TOPAZ1: variants seen among roughly 807,000 people sequenced by gnomAD.
TOPAZ1 encodes the protein testis and ovary specific TOPAZ 1, also known as protein TOPAZ1.
TOPAZ1 carries 66 observed loss-of-function variants against 172.2 expected under a neutral mutation model. That is an observed-to-expected ratio of 0.38 (90% confidence interval 0.31 to 0.47). The LOEUF (loss-of-function observed/expected upper bound fraction) is 0.47. TOPAZ1 is among the 20% of genes least tolerant of loss of function. TOPAZ1 has a pLI of 0.99. For missense variants in TOPAZ1, 1,822 were observed against 1,972.4 expected (o/e 0.92, Z 1.44); for synonymous variants, 681 against 683.9 (o/e 1.00, Z 0.07).
intron 4 of TOPAZ1, among the ~76,000 whole-genome samples, chr3:44,261,479 T>C (rs1699774990): frequency 6.6e-6 from 1 of 152,156 alleles, no homozygotes; most frequent in Non-Finnish European, 1.5e-5. Context: ...TGTGCAGCCT[T>C]ATTCCTGGGC....
intron 5 of TOPAZ1, among the ~76,000 whole-genome samples, chr3:44,265,249 G>T (rs116439680): frequency 0.011 from 1,748 of 152,304 alleles, 38 homozygotes; most frequent in African/African-American, 0.04. Context: ...CAGAATAGAT[G>T]TTGTGTTAGC....
chr3:44,291,556 G>A lies in TOPAZ1; in HGVS notation c.3797+670G>A, dbSNP rs753654164. Among the ~76,000 whole-genome samples the A allele has an allele frequency of 5.3e-5, 8 of 151,376 alleles. No individual in the cohort carries two copies. The East Asian group carries it at 9.7e-4, about 18-fold the overall frequency. ...GCAGAGGTTGCAGTGAGCCGAGATC[G>A]CACCACTACCTGGGCGACAGAGCGA... is the stretch of plus-strand genomic sequence containing the variant. On this transcript the variant is annotated intron_variant, in intron 12 of 19. Transcript: ENST00000309765.
At chr3:44,279,747 T>C (rs916078073) in intron 8 of TOPAZ1, among the ~76,000 whole-genome samples, 1 of 152,176 alleles carries the variant, frequency 6.6e-6, no homozygotes, top group Non-Finnish European at 1.5e-5. Context: ...CATTGGATCA[T>C]GTTTGTTTAA....
chr3:44,272,574 T>A (rs1199567321), intron 8 of TOPAZ1, among the ~76,000 whole-genome samples: 1 of 152,214 alleles, frequency 6.6e-6, no homozygotes, highest in African/African-American at 2.4e-5. Context: ...TCTTGCCCTT[T>A]TTTTTGAGGC....
chr3:44,297,683 A>G (rs1485591682), intron 12 of TOPAZ1, among the ~76,000 whole-genome samples: 1 of 152,172 alleles, frequency 6.6e-6, no homozygotes, highest in East Asian at 1.9e-4. Flanking sequence ...TTGGAAGTGA[A>G]GAAATAAAAC....
intron 6 of TOPAZ1, 146 bp downstream of exon 6, chr3:44,267,282 C>A: frequency 1.0e-4 from 44 of 425,744 alleles, no homozygotes; most frequent in Non-Finnish European, 1.5e-4. Flanking sequence ...TGCACCTTTA[C>A]TTAGTACTTT....
chr3:44,268,419 G>A (rs951709775), intron 6 of TOPAZ1, among the ~76,000 whole-genome samples: 42 of 136,036 alleles, frequency 3.1e-4, no homozygotes, highest in Admixed American at 1.1e-3. Flanking sequence ...TATAGCCCAG[G>A]CTGGAGTGCA....
In TOPAZ1 at chr3:44,243,395, G is replaced by A. The variant is rs1316912093; in HGVS notation, c.889G>A (p.Glu297Lys). 6.4e-7 allele frequency: 1 copy of A among 1,551,002 alleles called. No homozygotes were observed. Among genetic ancestry groups the A allele is most frequent in the Non-Finnish European group, 8.7e-7 (1 of 1,146,836 alleles). ...GGGAGTAAATAAGTTACTACCAGAA[G>A]AGAGTGATTTATACCAAAGTAAAAC... ...VMGVNKLLPEESDLYQSKTNG... is the reference protein window; with the variant it reads ...VMGVNKLLPEKSDLYQSKTNG... The change falls in exon 2 of 20, where the codon GAG (glutamate) becomes AAG (lysine). Residue 297 changes from glutamate to lysine, a missense_variant. Transcript: ENST00000309765.
intron 19 of TOPAZ1, 22 bp from the exon 20 acceptor site, chr3:44,331,770 T>C: frequency 6.6e-7 from 1 of 1,519,182 alleles, no homozygotes; most frequent in Non-Finnish European, 8.9e-7. Context: ...GTTTCTGACT[T>C]TATGAGGTGT....
In TOPAZ1 at chr3:44,243,762, C is replaced by G; in HGVS notation, c.1256C>G (p.Thr419Ser). The G allele has an allele frequency of 6.4e-7, 1 of 1,551,650 alleles. No homozygotes were observed. The highest frequency in any genetic ancestry group is 8.7e-7 in the Non-Finnish European group (1 of 1,146,960). ...EHHVNAVFQK[T>S]IEPLLKEETE... Reference sequence around the variant, plus strand: ...CATGTAAATGCTGTGTTTCAGAAAACCATTGAACCACTTTTGAAAGAAGAA... The same window carrying G: ...CATGTAAATGCTGTGTTTCAGAAAAGCATTGAACCACTTTTGAAAGAAGAA... Residue 419 changes from threonine (T) to serine (S), a missense_variant, in exon 2 of 20, where the codon ACC (threonine) becomes AGC (serine). Thr to Ser is a moderately conservative substitution (Grantham distance 58). Around this residue, in one of 2 missense-constraint regions of TOPAZ1, gnomAD observed 1,489 missense variants for 1,490.8 expected, o/e 1.00. Transcript: ENST00000309765.
intron 8 of TOPAZ1, 85 bp from the exon 9 acceptor site, chr3:44,281,883 T>C (rs915094821): frequency 1.2e-5 from 10 of 813,418 alleles, no homozygotes; most frequent in Non-Finnish European, 1.9e-5. Context: ...AATTTCAATA[T>C]AAGCAAAAAG....
chr3:44,302,359 G>A (rs998747397), intron 12 of TOPAZ1, among the ~76,000 whole-genome samples: 4 of 152,134 alleles, frequency 2.6e-5, no homozygotes, highest in African/African-American at 7.2e-5. Context: ...GCAGTGAGCC[G>A]AGATAGCACC....
intron 12 of TOPAZ1, among the ~76,000 whole-genome samples, chr3:44,291,162 C>T (rs1216379641): frequency 6.6e-6 from 1 of 152,122 alleles, no homozygotes; most frequent in Non-Finnish European, 1.5e-5. Context: ...CACTTAATTA[C>T]ACCTAATGTA....
intron 14 of TOPAZ1, among the ~76,000 whole-genome samples, chr3:44,305,600 G>A (rs925928419): frequency 4.6e-5 from 7 of 151,870 alleles, no homozygotes; most frequent in African/African-American, 1.7e-4. Context: ...GAACTCTTGT[G>A]CTCAAGGGAT....
Position 44,243,570 on chromosome 3 carries a change from A to T in TOPAZ1, c.1064A>T (p.Lys355Met), listed in dbSNP as rs1281224453. 6 of 1,551,110 alleles carry T rather than the reference A, an allele frequency of 3.9e-6. No individual in the cohort carries two copies. The highest frequency in any genetic ancestry group is 5.2e-6 in the Non-Finnish European group (6 of 1,146,980). The change falls in exon 2 of 20, where the codon AAG becomes ATG. Residue 355 changes from lysine to methionine, a missense_variant. Physicochemically the swap from Lys to Met is moderately conservative, Grantham distance 95 (BLOSUM62 -1). Around this residue, in one of 2 missense-constraint regions of TOPAZ1, gnomAD observed 1,489 missense variants for 1,490.8 expected, o/e 1.00. Coordinates refer to ENST00000309765, the MANE Select transcript of TOPAZ1 (RefSeq NM_001145030.2). ...TEMNFSNEYN[K>M]SELMLQENQM... ...ATGAACTTCTCTAATGAGTATAACA[A>T]GTCTGAGTTGATGTTGCAAGAAAAT...
intron 8 of TOPAZ1, among the ~76,000 whole-genome samples, chr3:44,276,204 T>C (rs1297181595): frequency 6.6e-6 from 1 of 152,216 alleles, no homozygotes; most frequent in African/African-American, 2.4e-5. Flanking sequence ...ATAGTCCCAT[T>C]TGTCTTATTT....
chr3:44,244,162 A>G lies in TOPAZ1; in HGVS notation c.1656A>G (p.Leu552=), dbSNP rs1246593508. Reference sequence around the variant, plus strand: ...CCAAATTATTATTACAAAGTTCCTTAACAGAAACAAACACTGAATCTTCAA... The same window carrying G: ...CCAAATTATTATTACAAAGTTCCTTGACAGAAACAAACACTGAATCTTCAA... ...TDSKLLLQSS[L]TETNTESSSK... is the part of the protein sequence containing the mutation. The change falls in exon 2 of 20, where the codon TTA becomes TTG. Residue 552 remains leucine (L), a synonymous_variant. Coordinates refer to ENST00000309765, the MANE Select transcript of TOPAZ1 (RefSeq NM_001145030.2). 6.4e-7 allele frequency: 1 copy of G among 1,551,152 alleles called. No individual in the cohort carries two copies. The highest frequency in any genetic ancestry group is 8.7e-7 in the Non-Finnish European group (1 of 1,146,666).
intron 7 of TOPAZ1, among the ~76,000 whole-genome samples, chr3:44,269,693 T>C (rs1378165637): frequency 6.6e-6 from 1 of 151,856 alleles, no homozygotes. Context: ...TGATCTTGGC[T>C]CACTGCAACC....
intron 4 of TOPAZ1, among the ~76,000 whole-genome samples, chr3:44,261,140 A>G (rs1418698201): frequency 6.6e-6 from 1 of 152,084 alleles, no homozygotes; most frequent in African/African-American, 2.4e-5. Flanking sequence ...TTTTTAATGT[A>G]TAAATTAATT....
Sources: allele counts gnomAD v4.1 joint callset (sites outside exome capture counted in the v4.1 genomes callset), GRCh38; gene constraint gnomAD v4.1.1; regional missense constraint gnomAD v4.1.1; transcripts MANE v1.5; gene names NCBI Gene and HGNC (gene_info 2026-07-23, HGNC 2026-07-21).